The following SH3GL1 variants were observed in gnomAD, a reference collection of about 807,000 sequenced individuals.
SH3GL1 encodes endophilin-A2.
SH3GL1 carries 21 observed loss-of-function variants against 48.8 expected under a neutral mutation model. The ratio of observed to expected loss-of-function variants is 0.43; its 90% CI spans 0.30 to 0.62. The LOEUF is 0.62. SH3GL1 is among the 20% of genes least tolerant of loss of function. The pLI is 0.11. For synonymous variants in SH3GL1, 282 were observed against 217.5 expected (o/e 1.30, Z -2.61); for missense variants, 454 against 503.0 (o/e 0.90, Z 0.93).
At chr19:4,399,048 G>A (rs1599627148) in intron 1 of SH3GL1, among the ~76,000 whole-genome samples, 1 of 152,216 alleles carries the variant, frequency 6.6e-6, no homozygotes. Context: ...AGGCCAGGCA[G>A]GTGGCTTACG....
intron 1 of SH3GL1, among the ~76,000 whole-genome samples, chr19:4,393,025 A>C (rs1375739073): frequency 5.3e-5 from 8 of 152,164 alleles, no homozygotes; most frequent in Non-Finnish European, 1.0e-4. Context: ...TGAGAGGCTG[A>C]GGCAGGAGGA....
chr19:4,366,863 G>T, intron 2 of SH3GL1, 63 bp downstream of exon 2: 1 of 1,534,924 alleles, frequency 6.5e-7, no homozygotes, highest in African/African-American at 1.4e-5. Flanking sequence ...CCTCCACTAT[G>T]CCCGGCAGAG....
At chr19:4,375,431 C>T (rs566150090) in intron 1 of SH3GL1, among the ~76,000 whole-genome samples, 167 of 152,346 alleles carry the variant, frequency 1.1e-3, no homozygotes, top group Non-Finnish European at 1.7e-3. Flanking sequence ...GGAGGGGCAA[C>T]GCCCCAGGGC....
At chr19:4,392,695 C>A (rs1156369268) in intron 1 of SH3GL1, among the ~76,000 whole-genome samples, 5 of 152,104 alleles carry the variant, frequency 3.3e-5, no homozygotes, top group Non-Finnish European at 7.4e-5. Flanking sequence ...GCCTGTAATC[C>A]CAGCACAATG....
chr19:4,364,040 A>T (rs1156329791), intron 5 of SH3GL1, 48 bp downstream of exon 5: 13 of 1,609,674 alleles, frequency 8.1e-6, no homozygotes, highest in Admixed American at 1.7e-5. Context: ...GGGCTGCCCC[A>T]TCCGGCAGGG....
intron 6 of SH3GL1, 78 bp from the exon 7 acceptor site, chr19:4,363,551 C>T (rs1458406024): frequency 6.0e-6 from 9 of 1,499,604 alleles, no homozygotes; most frequent in Non-Finnish European, 8.3e-6. Context: ...GGTGAAGCCA[C>T]AGGAGGCAAG....
In SH3GL1 at chr19:4,369,977, C is replaced by T. The variant is rs1461011401; in HGVS notation, c.46-2983G>A. ...GGCCACGTGCAGCGCCGGCCGCAAG[C>T]GCGGAAACCAAGCGTGGGCTCCTGC... On this transcript the variant is annotated intron_variant, in intron 1 of 9. Coordinates refer to ENST00000269886, the MANE Select transcript of SH3GL1 (RefSeq NM_003025.4). Among the ~76,000 whole-genome samples the T allele has an allele frequency of 2.6e-5, 4 of 152,402 alleles. No individual in the cohort carries two copies. In the East Asian group the frequency reaches 7.7e-4, roughly 29 times the overall value.
At chr19:4,399,459 GGAAA>G (rs1299916725) in intron 1 of SH3GL1, among the ~76,000 whole-genome samples, 2 of 151,884 alleles carry the variant, frequency 1.3e-5, no homozygotes, top group Non-Finnish European at 2.9e-5. Flanking sequence ...GAGGAAGGAA[GGAAA>G]GAAGGAAGGA....
chr19:4,378,495 A>G (rs1049772833), intron 1 of SH3GL1, among the ~76,000 whole-genome samples: 5 of 152,054 alleles, frequency 3.3e-5, no homozygotes, highest in African/African-American at 1.2e-4. Context: ...CGGGCAGATC[A>G]CCTGAGGTCA....
chr19:4,361,321 A>G lies in SH3GL1; in HGVS notation c.*279T>C. On this transcript the variant is annotated 3_prime_UTR_variant, in exon 10 of 10. Coordinates refer to ENST00000269886, the MANE Select transcript of SH3GL1 (RefSeq NM_003025.4). ...CCCCGCCTCGGCCAGCTGGGCGAGA[A>G]GTTGGGGAGCGGGGGAGGAGGCTGG... 1 of 499,924 alleles carries G rather than the reference A, an allele frequency of 2.0e-6. No individual in the cohort carries two copies. The highest frequency in any genetic ancestry group is 2.6e-5 in the South Asian group (1 of 38,760). The allele number at this position is 499,924 out of a possible 1,614,324, so 31.0% of individuals were successfully genotyped here. A position where few individuals can be genotyped will look rare whatever the true frequency, so the allele number is the denominator to read the frequency against.
rs146786833 is a variant in SH3GL1 at position 4,382,974 on chromosome 19, A to G, written c.46-15980T>C. On this transcript the variant is annotated intron_variant, in intron 1 of 9. Transcript: ENST00000269886. ...CACTCTGTCGCCCAGGCTGGAGTAC[A>G]GTGGCACAATCTTGGCTCACTGCAA... 1.1e-3 allele frequency among the ~76,000 whole-genome samples: 175 copies of G among 152,276 alleles called. 1 individual carries two copies. The East Asian group carries it at 0.022, about 19-fold the overall frequency.
At chr19:4,363,557 G>T in intron 6 of SH3GL1, 84 bp from the exon 7 acceptor site, 1 of 1,468,614 alleles carries the variant, frequency 6.8e-7, no homozygotes, top group Non-Finnish European at 9.4e-7. Context: ...GCCACAGGAG[G>T]CAAGGGGGCT....
At chr19:4,385,204 A>G (rs1973214325) in intron 1 of SH3GL1, among the ~76,000 whole-genome samples, 1 of 152,086 alleles carries the variant, frequency 6.6e-6, no homozygotes, top group Non-Finnish European at 1.5e-5. Context: ...GTTTTGGCGC[A>G]GTGAACGTGC....
At chr19:4,372,709 T>G (rs1568412522) in intron 1 of SH3GL1, among the ~76,000 whole-genome samples, 1 of 152,164 alleles carries the variant, frequency 6.6e-6, no homozygotes, top group Non-Finnish European at 1.5e-5. Flanking sequence ...CATCACAGCT[T>G]CTTTCCCATG....
intron 1 of SH3GL1, among the ~76,000 whole-genome samples, chr19:4,381,486 T>C: frequency 9.0e-6 from 1 of 111,188 alleles, no homozygotes. Context: ...CCTCTGCCTC[T>C]CTCCGTTCTC....
intron 1 of SH3GL1, among the ~76,000 whole-genome samples, chr19:4,382,667 T>C (rs1360498742): frequency 6.6e-6 from 1 of 152,122 alleles, no homozygotes; most frequent in African/African-American, 2.4e-5. Flanking sequence ...CAAAGTCCCA[T>C]TTTCCATGTA....
chr19:4,385,565 C>T lies in SH3GL1; in HGVS notation c.45+14759G>A, dbSNP rs73539291. 6.3e-3 allele frequency among the ~76,000 whole-genome samples: 958 copies of T among 152,282 alleles called. 12 individuals carry two copies. Among genetic ancestry groups the T allele is most frequent in the African/African-American group, 0.022 (910 of 41,536 alleles). ...CCCTCCCAGCAGCACTCTTTCCTTC[C>T]GGGCCCCAAAGACCCTCCCTGGCTG... On this transcript the variant is annotated intron_variant, in intron 1 of 9. Transcript: ENST00000269886.
At position 4,360,592 on chromosome 19, in the gene SH3GL1, C is replaced by A; in HGVS notation, c.*1008G>T. On this transcript the variant is annotated 3_prime_UTR_variant, in exon 10 of 10. Transcript: ENST00000269886. Reference sequence around the variant, plus strand: ...GCCTGGCCCAGAGAACTCCCCATTTCATCGATTTTGCATTGGGCGATAGAG... The same window carrying A: ...GCCTGGCCCAGAGAACTCCCCATTTAATCGATTTTGCATTGGGCGATAGAG... 4.3e-6 allele frequency: 1 copy of A among 233,170 alleles called. No homozygotes were observed. The highest frequency in any genetic ancestry group is 8.5e-6 in the Non-Finnish European group (1 of 118,078). 14.4% of individuals were successfully genotyped at this position (233,170 alleles called of 1,614,324 possible). A position where few individuals can be genotyped will look rare whatever the true frequency, so the allele number is the denominator to read the frequency against.
intron 1 of SH3GL1, among the ~76,000 whole-genome samples, chr19:4,369,803 T>TA (rs1972859224): frequency 6.6e-6 from 1 of 152,230 alleles, no homozygotes; most frequent in East Asian, 1.9e-4. Context: ...TCCCTTGTGG[T>TA]GACTGATGGT....
Sources: gnomAD v4.1 joint callset for allele counts (sites outside exome capture counted in the v4.1 genomes callset) on GRCh38, gnomAD v4.1.1 for gene constraint, MANE v1.5 for transcripts, NCBI Gene and HGNC (gene_info 2026-07-23, HGNC 2026-07-21) for gene names.